ABHD6: variants seen among roughly 807,000 people sequenced by gnomAD.
The protein encoded by ABHD6 is monoacylglycerol lipase ABHD6.
Under a neutral mutation model 38.8 loss-of-function variants are expected in ABHD6, and 33 were observed. That is an observed-to-expected ratio of 0.85 (90% CI 0.64 to 1.14). The LOEUF (loss-of-function observed/expected upper bound fraction) is 1.14, where lower values mean the gene tolerates loss of function less well. Among genes scored for constraint, ABHD6 ranks in the 50% most tolerant of loss-of-function variants. The probability of loss-of-function intolerance (pLI) is 0.00; values close to 1 mark genes in which losing one functional copy is unlikely to be tolerated. For synonymous variants in ABHD6, 147 were observed against 161.6 expected, an observed-to-expected ratio of 0.91 and a Z score of 0.69; for missense variants, 380 against 422.6, an observed-to-expected ratio of 0.90 and a Z score of 0.88.
intron 1 of ABHD6, among the ~76,000 whole-genome samples, chr3:58,241,795 A>G (rs545019663): frequency 1.8e-4 from 27 of 152,214 alleles, no homozygotes; most frequent in Non-Finnish European, 3.5e-4. Flanking sequence ...AAGTCAGGCA[A>G]GATCCCAGCA....
chr3:58,254,280 A>G (rs957140796), intron 2 of ABHD6, among the ~76,000 whole-genome samples: 3 of 152,178 alleles, frequency 2.0e-5, no homozygotes, highest in Admixed American at 6.5e-5. Context: ...TGCTATATCA[A>G]GGGTTGGCAA....
At chr3:58,280,551 G>A (rs942987576) in intron 7 of ABHD6, among the ~76,000 whole-genome samples, 2 of 152,114 alleles carry the variant, frequency 1.3e-5, no homozygotes, top group Non-Finnish European at 2.9e-5. Context: ...CCTTTAGCAC[G>A]GAGAAGTTTG....
intron 1 of ABHD6, among the ~76,000 whole-genome samples, chr3:58,245,843 A>AGAAC (rs2097426030): frequency 1.6e-5 from 2 of 126,604 alleles, no homozygotes; most frequent in African/African-American, 6.2e-5. Flanking sequence ...AAGAAAGAAC[A>AGAAC]AAAAAAGAAA....
At chr3:58,261,108 A>G (rs2097436642) in intron 3 of ABHD6, among the ~76,000 whole-genome samples, 1 of 152,242 alleles carries the variant, frequency 6.6e-6, no homozygotes, top group South Asian at 2.1e-4. Context: ...ACTGTTCACA[A>G]GATGAGAAAG....
At chr3:58,243,359 A>T (rs937301140) in intron 1 of ABHD6, among the ~76,000 whole-genome samples, 1 of 152,176 alleles carries the variant, frequency 6.6e-6, no homozygotes, top group Non-Finnish European at 1.5e-5. Context: ...TTATCACGAG[A>T]TACAAATCTC....
intron 1 of ABHD6, among the ~76,000 whole-genome samples, chr3:58,248,076 C>T (rs1453639655): frequency 1.3e-5 from 2 of 152,166 alleles, no homozygotes; most frequent in African/African-American, 2.4e-5. Context: ...TTTTCTCTCT[C>T]ACTCTCTGTT....
At chr3:58,247,912 C>T (rs540074943) in intron 1 of ABHD6, among the ~76,000 whole-genome samples, 1 of 152,358 alleles carries the variant, frequency 6.6e-6, no homozygotes, top group Admixed American at 6.5e-5. Context: ...CATAGTAGCA[C>T]TTCAAAAGGG....
intron 7 of ABHD6, among the ~76,000 whole-genome samples, chr3:58,283,551 T>C (rs2097454830): frequency 6.6e-6 from 1 of 152,184 alleles, no homozygotes; most frequent in African/African-American, 2.4e-5. Flanking sequence ...GCCTGGATAA[T>C]GCAGGGATGG....
In ABHD6 at chr3:58,269,429, C is replaced by T. The variant is rs762329443; in HGVS notation, c.385C>T (p.His129Tyr). The change falls in exon 5 of 10, where the codon CAC (histidine) becomes TAC (tyrosine). Residue 129 changes from histidine (H) to tyrosine (Y), a missense_variant. Coordinates refer to ENST00000478253, the MANE Select transcript of ABHD6 (RefSeq NM_001320126.2). This position sits in a 1 kb window ranked among gnomAD's most constrained non-coding sequence, Gnocchi z 4.4. ...LSIDGQVKRI[H>Y]QFVECLKLNK... ...CATAGATGGGCAAGTTAAGAGGATA[C>T]ACCAGGTAAGCAGGAGGCTCTACCA... 6.2e-7 allele frequency: 1 copy of T among 1,612,544 alleles called. No individual in the cohort carries two copies. Among genetic ancestry groups the T allele is most frequent in the South Asian group, 1.1e-5 (1 of 91,008 alleles).
chr3:58,252,930 A>G (rs1314659946), intron 2 of ABHD6, among the ~76,000 whole-genome samples: 1 of 152,198 alleles, frequency 6.6e-6, no homozygotes, highest in African/African-American at 2.4e-5. Context: ...CCTACCCTTT[A>G]TCTGTACAGA....
intron 9 of ABHD6, among the ~76,000 whole-genome samples, chr3:58,290,663 G>A (rs1442750852): frequency 2.7e-5 from 4 of 146,338 alleles, no homozygotes; most frequent in Admixed American, 6.8e-5. Context: ...CTTCTCAGAT[G>A]GGGCGGCTGG....
intron 5 of ABHD6, among the ~76,000 whole-genome samples, chr3:58,270,286 T>C (rs190078630): frequency 1.2e-4 from 18 of 152,238 alleles, no homozygotes; most frequent in African/African-American, 4.1e-4. Flanking sequence ...ATGAGCTATG[T>C]TTAGCTTGTA....
rs2097434222 is a variant in ABHD6, at chr3:58,257,503, C to T, written c.119+798C>T. 6.6e-6 allele frequency among the ~76,000 whole-genome samples: 1 copy of T among 152,228 alleles called. No individual in the cohort carries two copies. Among genetic ancestry groups the T allele is most frequent in the African/African-American group, 2.4e-5 (1 of 41,548 alleles). On this transcript the variant is annotated intron_variant, in intron 3 of 9. Transcript: ENST00000478253. This position sits in a 1 kb window ranked among gnomAD's most constrained non-coding sequence, Gnocchi z 4.8. ...TCAGCCTCCCAAGTAGCTAGGACTACAGGCACGTGCCACCATGCCTAGCTA... is the reference window on the plus strand; with the variant it reads ...TCAGCCTCCCAAGTAGCTAGGACTATAGGCACGTGCCACCATGCCTAGCTA...
chr3:58,279,672 T>C (rs1377791427), intron 7 of ABHD6, among the ~76,000 whole-genome samples: 1 of 152,224 alleles, frequency 6.6e-6, no homozygotes, highest in Non-Finnish European at 1.5e-5. Context: ...TTGATGCAGT[T>C]TCTTCATAGT....
At chr3:58,247,362 T>C (rs1256384668) in intron 1 of ABHD6, among the ~76,000 whole-genome samples, 1 of 152,048 alleles carries the variant, frequency 6.6e-6, no homozygotes, top group Non-Finnish European at 1.5e-5. Flanking sequence ...AAGGGAAATG[T>C]TCTATATTTC....
At position 58,287,941 on chromosome 3, in the gene ABHD6, AG is replaced by A. The variant is rs1326726405; in HGVS notation, c.837+2489del. Among the ~76,000 whole-genome samples the A allele has an allele frequency of 6.6e-6, 1 of 152,238 alleles. No homozygotes were observed. The highest frequency in any genetic ancestry group is 2.4e-5 in the African/African-American group (1 of 41,462). ...GAAAATGATCTTCCAGTTGCAAAAA[AG>A]TTAGGTTAGCTGGTATTAGATTAGA... On this transcript the variant is annotated intron_variant, in intron 9 of 9. Coordinates refer to ENST00000478253, the MANE Select transcript of ABHD6 (RefSeq NM_001320126.2). The surrounding 1 kb of genome is among the most constrained non-coding windows in gnomAD (Gnocchi z 4.7).
chr3:58,241,364 G>A (rs549069365), intron 1 of ABHD6, among the ~76,000 whole-genome samples: 11 of 152,310 alleles, frequency 7.2e-5, no homozygotes, highest in African/African-American at 2.6e-4. Context: ...GTTGCTGCCT[G>A]TGGCTGGATG....
At chr3:58,254,894 A>G (rs1174304540) in intron 2 of ABHD6, among the ~76,000 whole-genome samples, 1 of 151,864 alleles carries the variant, frequency 6.6e-6, no homozygotes, top group Non-Finnish European at 1.5e-5. Context: ...ATATATATAT[A>G]TAAAATAGAG....
intron 9 of ABHD6, among the ~76,000 whole-genome samples, chr3:58,289,341 G>GATA (rs2097459791): frequency 6.6e-6 from 1 of 151,630 alleles, no homozygotes; most frequent in African/African-American, 2.4e-5. Flanking sequence ...ATAAACAAGT[G>GATA]AACAAAGGTC....
Sources: gnomAD v4.1 joint callset for allele counts (sites outside exome capture counted in the v4.1 genomes callset) on GRCh38, gnomAD v4.1.1 for gene constraint, Gnocchi (gnomAD v3.1) non-coding constraint, MANE v1.5 for transcripts, NCBI Gene and HGNC (gene_info 2026-07-23, HGNC 2026-07-21) for gene names.